Variants in TENM2 observed in about 807,000 individuals in gnomAD.
TENM2 encodes teneurin transmembrane protein 2, also known as teneurin-2.
In TENM2, 52 loss-of-function variants were observed where a neutral mutation model predicts 245.2. The ratio of observed to expected loss-of-function variants is 0.21; its 90% CI spans 0.17 to 0.27. TENM2 has a LOEUF of 0.27. Among genes scored for constraint, TENM2 ranks in the 10% least tolerant of loss-of-function variants. The pLI is 1.00. For missense variants in TENM2, 3,046 were observed against 3,666.8 expected (o/e 0.83, Z 4.37); for synonymous variants, 1,363 against 1,438.9 (o/e 0.95, Z 1.19).
intron 8 of TENM2, among the ~76,000 whole-genome samples, chr5:168,092,219 G>A (rs774191427): frequency 6.6e-6 from 1 of 152,132 alleles, no homozygotes; most frequent in Non-Finnish European, 1.5e-5. Flanking sequence ...TAGAGTTTTG[G>A]TACTGACCAT....
chr5:167,192,315 A>G, the TENM2 span, among the ~76,000 whole-genome samples: 2 of 152,058 alleles, frequency 1.3e-5, no homozygotes, highest in East Asian at 1.9e-4. Context: ...GTGTGAAGAA[A>G]TGAAGAACTC....
At chr5:167,651,233 G>T (rs1754443509) in intron 2 of TENM2, among the ~76,000 whole-genome samples, 3 of 151,990 alleles carry the variant, frequency 2.0e-5, no homozygotes, top group Admixed American at 6.6e-5. Context: ...GGCAAAAACT[G>T]TAAGAACAAA....
At position 167,971,712 on chromosome 5, in the gene TENM2, CAAACA is replaced by C. The variant is rs531603530; in HGVS notation, c.947+18914_947+18918del. Among the ~76,000 whole-genome samples the C allele has an allele frequency of 3.5e-3, 333 of 95,994 alleles. 2 individuals are homozygous for C. The highest frequency in any genetic ancestry group is 0.013 in the African/African-American group (294 of 22,394). The allele number at this position is 95,994 out of a possible 152,430, so 63.0% of individuals were successfully genotyped here. A position where few individuals can be genotyped will look rare whatever the true frequency, so the allele number is the denominator to read the frequency against. On this transcript the variant is annotated intron_variant, in intron 4 of 28. Coordinates refer to ENST00000518659, the Ensembl canonical transcript of TENM2. Reference sequence around the variant, plus strand: ...TGAGACTCCATCTAAAACAAACAAACAAACAAAACAAAACAAAACAAAACAAAAAC... The same window carrying C: ...TGAGACTCCATCTAAAACAAACAAACAAACAAAACAAAACAAAACAAAAAC...
chr5:167,704,823 A>AT (rs35140109), intron 2 of TENM2, among the ~76,000 whole-genome samples: 9,655 of 152,186 alleles, frequency 0.063, 631 homozygotes, highest in East Asian at 0.3. Flanking sequence ...GTTGAAAGAA[A>AT]TATGATGTCT....
chr5:167,173,313 C>G, the TENM2 span, among the ~76,000 whole-genome samples: 3 of 152,198 alleles, frequency 2.0e-5, no homozygotes, highest in Non-Finnish European at 2.9e-5. Context: ...TCCCCTTTCT[C>G]TGCTTTACTA....
intron 3 of TENM2, among the ~76,000 whole-genome samples, chr5:167,927,689 C>A (rs1277855883): frequency 6.6e-6 from 1 of 152,066 alleles, no homozygotes; most frequent in Non-Finnish European, 1.5e-5. Flanking sequence ...TATTTAAATC[C>A]CCTAGGAAGG....
intron 5 of TENM2, among the ~76,000 whole-genome samples, chr5:167,994,470 C>T (rs1399547303): frequency 2.6e-5 from 4 of 152,210 alleles, no homozygotes; most frequent in African/African-American, 7.2e-5. Context: ...CCTAAGCTTG[C>T]CTGATGGCAA....
chr5:168,125,753 A>G (rs1795804923), intron 11 of TENM2, among the ~76,000 whole-genome samples: 1 of 152,120 alleles, frequency 6.6e-6, no homozygotes, highest in South Asian at 2.1e-4. Context: ...CCAAAAAGAA[A>G]AAAAAAAAGA....
the TENM2 span, among the ~76,000 whole-genome samples, chr5:167,140,739 T>C: frequency 3.9e-5 from 6 of 152,176 alleles, no homozygotes; most frequent in Non-Finnish European, 7.3e-5. Flanking sequence ...TCCCCAGCTC[T>C]GCTTTCTGAT....
intron 2 of TENM2, among the ~76,000 whole-genome samples, chr5:167,642,054 T>G (rs561590461): frequency 3.2e-4 from 49 of 151,786 alleles, no homozygotes; most frequent in African/African-American, 1.2e-3. Context: ...GGCAGGAGAT[T>G]CGCTTGAACC....
intron 3 of TENM2, among the ~76,000 whole-genome samples, chr5:167,885,887 T>C (rs901417280): frequency 2.0e-5 from 3 of 152,206 alleles, no homozygotes; most frequent in African/African-American, 7.2e-5. Context: ...TTCACCATGT[T>C]GGACAGGCTG....
intron 2 of TENM2, among the ~76,000 whole-genome samples, chr5:167,419,426 A>T (rs1012701888): frequency 6.6e-6 from 1 of 152,240 alleles, no homozygotes; most frequent in Admixed American, 6.5e-5. Context: ...GTGCCACCGC[A>T]CTCCAGCCTG....
At chr5:167,791,231 C>A (rs892784935) in intron 2 of TENM2, among the ~76,000 whole-genome samples, 1 of 151,716 alleles carries the variant, frequency 6.6e-6, no homozygotes, top group Non-Finnish European at 1.5e-5. Context: ...CTTTTGATTT[C>A]TCTCATACAT....
intron 2 of TENM2, among the ~76,000 whole-genome samples, chr5:167,608,819 A>T (rs1394176150): frequency 6.6e-6 from 1 of 152,196 alleles, no homozygotes; most frequent in Non-Finnish European, 1.5e-5. Flanking sequence ...AGAGGTACTG[A>T]AAGCTTGTCA....
chr5:167,779,145 C>A (rs1273334044), intron 2 of TENM2, among the ~76,000 whole-genome samples: 4 of 152,170 alleles, frequency 2.6e-5, no homozygotes, highest in Admixed American at 2.0e-4. Context: ...ACCAAGCGGG[C>A]CAGCAGTGGT....
the TENM2 span, among the ~76,000 whole-genome samples, chr5:167,136,500 T>C: frequency 6.6e-6 from 1 of 152,220 alleles, no homozygotes; most frequent in African/African-American, 2.4e-5. Context: ...ACCTGTCAAT[T>C]CCTTTTGCTC....
intron 14 of TENM2, among the ~76,000 whole-genome samples, chr5:168,193,327 C>T (rs1346835328): frequency 6.6e-6 from 1 of 152,146 alleles, no homozygotes; most frequent in African/African-American, 2.4e-5. Flanking sequence ...TTCAAGATTT[C>T]TAAAAGGGCG....
At chr5:167,731,062 T>C (rs962814207) in intron 2 of TENM2, among the ~76,000 whole-genome samples, 7 of 152,132 alleles carry the variant, frequency 4.6e-5, no homozygotes, top group African/African-American at 9.7e-5. Flanking sequence ...AAACATGTCC[T>C]TAGTTTCCAT....
intron 2 of TENM2, among the ~76,000 whole-genome samples, chr5:167,575,433 G>A (rs1027950249): frequency 1.8e-5 from 2 of 109,492 alleles, no homozygotes; most frequent in Admixed American, 1.0e-4. Context: ...TATTTGTCTG[G>A]AGATAAGATT....
Sources: gnomAD v4.1 joint callset for allele counts (sites outside exome capture counted in the v4.1 genomes callset) on GRCh38, gnomAD v4.1.1 for gene constraint, MANE v1.5 for transcripts, NCBI Gene and HGNC (gene_info 2026-07-23, HGNC 2026-07-21) for gene names.